Variants in GCC2 observed in about 807,000 individuals in gnomAD.
GCC2 encodes GRIP and coiled-coil domain containing 2, also known as GRIP and coiled-coil domain-containing protein 2.
In GCC2, 120 loss-of-function variants were observed where a neutral mutation model predicts 210.6. That is an observed-to-expected ratio of 0.57 (90% CI 0.49 to 0.66). The LOEUF is 0.66. GCC2 is among the 30% of genes least tolerant of loss of function. The pLI, the probability that GCC2 is intolerant of heterozygous loss-of-function variation, is 0.00. For synonymous variants in GCC2, 703 were observed against 652.7 expected, an observed-to-expected ratio of 1.08 and a Z score of -1.17; for missense variants, 1,868 against 1,871.9, an observed-to-expected ratio of 1.00 and a Z score of 0.04.
chr2:108,480,214 C>A lies in GCC2; in HGVS notation c.3061-1483C>A, dbSNP rs13393971. Among the ~76,000 whole-genome samples, 1,413 of 152,228 alleles carry A rather than the reference C, an allele frequency of 9.3e-3. 23 individuals are homozygous for A. The highest frequency in any genetic ancestry group is 0.031 in the Middle Eastern group (9 of 294). ...GCAATAAAACCATAATTAGATACCA[C>A]CTCACATCAGTCAGGATGGCTACTA... On this transcript the variant is annotated intron_variant, in intron 9 of 22. Transcript: ENST00000309863.
chr2:108,489,393 T>C (rs574776634), intron 17 of GCC2, among the ~76,000 whole-genome samples: 1 of 152,252 alleles, frequency 6.6e-6, no homozygotes, highest in African/African-American at 2.4e-5. Flanking sequence ...TGGGTGCCTG[T>C]AGTCCTAGCT....
chr2:108,480,984 CA>C (rs1681825025), intron 9 of GCC2, among the ~76,000 whole-genome samples: 1 of 151,868 alleles, frequency 6.6e-6, no homozygotes, highest in Non-Finnish European at 1.5e-5. Context: ...TTTCCAGAAA[CA>C]AAGGCAAAAA....
intron 22 of GCC2, among the ~76,000 whole-genome samples, chr2:108,505,475 A>T (rs1683136641): frequency 6.6e-6 from 1 of 152,158 alleles, no homozygotes; most frequent in Non-Finnish European, 1.5e-5. Context: ...TAACCTAATG[A>T]GTTATTTTTA....
intron 4 of GCC2, among the ~76,000 whole-genome samples, chr2:108,466,657 A>G (rs1680907908): frequency 6.6e-6 from 1 of 151,162 alleles, no homozygotes; most frequent in Non-Finnish European, 1.5e-5. Context: ...TATTTTTAGT[A>G]GAGATGGGGT....
intron 22 of GCC2, among the ~76,000 whole-genome samples, chr2:108,500,911 T>C (rs534824511): frequency 4.6e-5 from 7 of 152,280 alleles, no homozygotes; most frequent in Non-Finnish European, 1.0e-4. Flanking sequence ...ATTTTGCCTG[T>C]GTTATTGTGA....
At chr2:108,482,230 TC>T in intron 10 of GCC2, 56 bp from the exon 11 acceptor site, 1 of 992,006 alleles carries the variant, frequency 1.0e-6, no homozygotes, top group South Asian at 1.6e-5. Context: ...TGTTCATTCT[TC>T]CTCTGCTGTA....
chr2:108,483,515 G>A (rs1056052150), intron 12 of GCC2, among the ~76,000 whole-genome samples: 6 of 152,058 alleles, frequency 3.9e-5, no homozygotes, highest in African/African-American at 7.2e-5. Context: ...GTGAGCCACC[G>A]CACTCAGCCT....
At chr2:108,501,136 C>T (rs1243138985) in intron 22 of GCC2, among the ~76,000 whole-genome samples, 1 of 151,716 alleles carries the variant, frequency 6.6e-6, no homozygotes, top group East Asian at 1.9e-4. Flanking sequence ...GCTGGGACTA[C>T]AGATGCACGC....
At chr2:108,463,511 C>A (rs1680713374) in intron 4 of GCC2, among the ~76,000 whole-genome samples, 2 of 152,076 alleles carry the variant, frequency 1.3e-5, no homozygotes, top group Admixed American at 1.3e-4. Flanking sequence ...ACTTAGGGTG[C>A]AGTTGTTAGT....
chr2:108,464,731 A>AATGGAAGG (rs1680784402), intron 4 of GCC2, among the ~76,000 whole-genome samples: 2 of 152,074 alleles, frequency 1.3e-5, no homozygotes, highest in African/African-American at 4.8e-5. Context: ...CTATGGGAAA[A>AATGGAAGG]ATGGAAGGAT....
At position 108,469,695 on chromosome 2, in the gene GCC2, A is replaced by G. The variant is rs768145104; in HGVS notation, c.366A>G (p.Gln122=). The G allele has an allele frequency of 1.9e-5, 31 of 1,607,392 alleles. No individual in the cohort carries two copies. In the South Asian group the frequency reaches 2.3e-4, roughly 12 times the overall value. ...KMGDAHKELE[Q]SHINYVKEIE... Reference sequence around the variant, plus strand: ...GAGATGCACATAAGGAGTTGGAACAATCACATATAAACTATGTGAAAGAAA... The same window carrying G: ...GAGATGCACATAAGGAGTTGGAACAGTCACATATAAACTATGTGAAAGAAA... Residue 122 remains glutamine (Q), a synonymous_variant, in exon 6 of 23, where the codon CAA becomes CAG. Coordinates refer to ENST00000309863, the MANE Select transcript of GCC2 (RefSeq NM_181453.4).
chr2:108,481,836 A>C lies in GCC2; in HGVS notation c.3180+20A>C, dbSNP rs1681869151. On this transcript the variant is annotated intron_variant, in intron 10 of 22. Coordinates refer to ENST00000309863, the MANE Select transcript of GCC2 (RefSeq NM_181453.4). ...TTGCAGGTAATTTTTTAATAAATCCAAAAATGAAAACTATAACAGGTATAT... is the reference window on the plus strand; with the variant it reads ...TTGCAGGTAATTTTTTAATAAATCCCAAAATGAAAACTATAACAGGTATAT... 6.6e-7 allele frequency: 1 copy of C among 1,516,988 alleles called. No homozygotes were observed. The allele number at this position is 1,516,988 out of a possible 1,614,324, so 94.0% of individuals were successfully genotyped here. A position where few individuals can be genotyped will look rare whatever the true frequency, so the allele number is the denominator to read the frequency against.
At chr2:108,467,359 C>T (rs1414391388) in intron 4 of GCC2, among the ~76,000 whole-genome samples, 1 of 152,144 alleles carries the variant, frequency 6.6e-6, no homozygotes, top group Non-Finnish European at 1.5e-5. Context: ...TATATTAATC[C>T]TATATCTACT....
intron 4 of GCC2, among the ~76,000 whole-genome samples, chr2:108,467,758 G>C (rs1315094500): frequency 2.0e-5 from 3 of 152,110 alleles, no homozygotes; most frequent in African/African-American, 7.2e-5. Flanking sequence ...GTTGGATATT[G>C]GTTTAAAGTT....
intron 21 of GCC2, among the ~76,000 whole-genome samples, chr2:108,499,160 GTC>G (rs953628252): frequency 1.3e-5 from 2 of 148,750 alleles, no homozygotes; most frequent in African/African-American, 5.0e-5. Flanking sequence ...TTCTTGATGT[GTC>G]TCATCTACTT....
rs1043350588 is a variant in GCC2 at position 108,449,394 on chromosome 2, C to T, written c.6+114C>T. 6 of 1,464,464 alleles carry T rather than the reference C, an allele frequency of 4.1e-6. No individual in the cohort carries two copies. In the African/African-American group the frequency reaches 4.2e-5, roughly 10 times the overall value. 90.7% of individuals were successfully genotyped at this position (1,464,464 alleles called of 1,614,324 possible). Reference sequence around the variant, plus strand: ...GTCTCCCTCTTGGTGTCCCGAAGCCCGCGCTGCTGTCGCCTCCCCATCTTT... The same window carrying T: ...GTCTCCCTCTTGGTGTCCCGAAGCCTGCGCTGCTGTCGCCTCCCCATCTTT... On this transcript the variant is annotated intron_variant, in intron 1 of 22. Coordinates refer to ENST00000309863, the MANE Select transcript of GCC2 (RefSeq NM_181453.4).
Position 108,458,379 on chromosome 2 carries a change from T to C in GCC2, c.216+5913T>C, listed in dbSNP as rs1310366644. Among the ~76,000 whole-genome samples, 745 of 147,966 alleles carry C rather than the reference T, an allele frequency of 5.0e-3. 7 individuals carry two copies. Among genetic ancestry groups the C allele is most frequent in the African/African-American group, 0.017 (695 of 40,374 alleles). ...GGGATATTGGTTGTTGCTTTCTTTT[T>C]TTTTTTTTTTTTTTTGCTGTGTCCT... On this transcript the variant is annotated intron_variant, in intron 4 of 22. Transcript: ENST00000309863.
Position 108,485,690 on chromosome 2 carries a change from A to G in GCC2, c.3668A>G (p.Gln1223Arg). The G allele has an allele frequency of 1.9e-6, 3 of 1,599,196 alleles. No homozygotes were observed. Among genetic ancestry groups the G allele is most frequent in the East Asian group, 2.2e-5 (1 of 44,666 alleles). ...QYEEKNTKIK[Q>R]LLVKTKKELA... Reference sequence around the variant, plus strand: ...GAAGAAAAAAACACCAAAATCAAGCAATTGCTTGTGAAAACCAAAAAGGAA... The same window carrying G: ...GAAGAAAAAAACACCAAAATCAAGCGATTGCTTGTGAAAACCAAAAAGGAA... The change falls in exon 14 of 23, where the codon CAA becomes CGA. Residue 1223 changes from glutamine to arginine, a missense_variant. By Grantham distance (43) the Gln-to-Arg change is conservative. This residue lies in a region of GCC2 where 1,847 missense variants were observed against 1,765.2 expected (regional missense o/e 1.05). Coordinates refer to ENST00000309863, the MANE Select transcript of GCC2 (RefSeq NM_181453.4).
Position 108,492,905 on chromosome 2 carries a change from A to C in GCC2, c.4447+115A>C. 5.3e-6 allele frequency: 4 copies of C among 754,358 alleles called. No individual in the cohort carries two copies. The South Asian group carries it at 6.8e-5, about 13-fold the overall frequency. The allele number at this position is 754,358 out of a possible 1,614,324, so 46.7% of individuals were successfully genotyped here. On this transcript the variant is annotated intron_variant, in intron 19 of 22. Coordinates refer to ENST00000309863, the MANE Select transcript of GCC2 (RefSeq NM_181453.4). ...ATTTACTAGGTGTCACCAGTGTCAA[A>C]TCTGTGATTAATGAATTTTGGATTT...
Sources: gnomAD v4.1 joint callset for allele counts (sites outside exome capture counted in the v4.1 genomes callset) on GRCh38, gnomAD v4.1.1 for gene constraint, gnomAD v4.1.1 regional missense constraint, MANE v1.5 for transcripts, NCBI Gene and HGNC (gene_info 2026-07-23, HGNC 2026-07-21) for gene names.